CCDC30: variants seen among roughly 807,000 people sequenced by gnomAD.
CCDC30 encodes the protein coiled-coil domain containing 30, also known as coiled-coil domain-containing protein 30.
In CCDC30, 70 loss-of-function variants were observed where a neutral mutation model predicts 100.2. That is an observed-to-expected ratio of 0.70 (90% CI 0.58 to 0.85). CCDC30 has a LOEUF of 0.85. CCDC30 is among the 40% of genes least tolerant of loss of function. CCDC30 has a pLI of 0.00. For synonymous variants in CCDC30, 233 were observed against 269.5 expected, an observed-to-expected ratio of 0.86 and a Z score of 1.33; for missense variants, 652 against 771.2, an observed-to-expected ratio of 0.85 and a Z score of 1.83.
At chr1:42,519,913 C>A (rs1644611010) in intron 6 of CCDC30, among the ~76,000 whole-genome samples, 1 of 152,150 alleles carries the variant, frequency 6.6e-6, no homozygotes, top group Non-Finnish European at 1.5e-5. Flanking sequence ...TGCAATTATT[C>A]ATAGTACACT....
intron 9 of CCDC30, among the ~76,000 whole-genome samples, chr1:42,586,461 A>C (rs1646070949): frequency 1.3e-5 from 2 of 151,992 alleles, no homozygotes; most frequent in African/African-American, 4.8e-5. Context: ...CATACCCAAC[A>C]TGCCCAGCTA....
intron 1 of CCDC30, among the ~76,000 whole-genome samples, chr1:42,466,373 G>A (rs1185577603): frequency 6.6e-6 from 1 of 152,098 alleles, no homozygotes; most frequent in Non-Finnish European, 1.5e-5. Context: ...TCCTCTTCTC[G>A]TTTAAAATTC....
At chr1:42,463,325 A>C (rs1051832233) in exon 1 of CCDC30, 3 of 152,252 alleles carry the variant, frequency 2.0e-5, no homozygotes, top group Admixed American at 2.0e-4. Context: ...TGCAGCTAGC[A>C]GCTGAGCGCG....
At chr1:42,566,732 C>A (rs1645614079) in intron 7 of CCDC30, among the ~76,000 whole-genome samples, 1 of 152,152 alleles carries the variant, frequency 6.6e-6, no homozygotes, top group African/African-American at 2.4e-5. Flanking sequence ...TACTAAACTT[C>A]AGTGACCCGA....
intron 6 of CCDC30, among the ~76,000 whole-genome samples, chr1:42,505,748 C>T (rs572903532): frequency 5.3e-5 from 8 of 152,172 alleles, no homozygotes; most frequent in Non-Finnish European, 1.0e-4. Flanking sequence ...CTCTTAAGTT[C>T]CTAAGATAAG....
At chr1:42,578,142 TGA>T (rs1265050228) in intron 8 of CCDC30, among the ~76,000 whole-genome samples, 1 of 152,200 alleles carries the variant, frequency 6.6e-6, no homozygotes, top group Non-Finnish European at 1.5e-5. Flanking sequence ...TGTGCAAGTT[TGA>T]GAGTTAAATT....
At chr1:42,508,421 C>T (rs1272332855) in intron 6 of CCDC30, among the ~76,000 whole-genome samples, 2 of 152,194 alleles carry the variant, frequency 1.3e-5, no homozygotes, top group Admixed American at 6.5e-5. Flanking sequence ...CAACAGCATG[C>T]TTCTCTGATC....
chr1:42,502,542 T>A (rs1644335463), intron 6 of CCDC30, among the ~76,000 whole-genome samples: 1 of 152,182 alleles, frequency 6.6e-6, no homozygotes, highest in African/African-American at 2.4e-5. Flanking sequence ...AAATCACCCA[T>A]CTTCTGCGTC....
intron 6 of CCDC30, among the ~76,000 whole-genome samples, chr1:42,501,729 C>T (rs1459685944): frequency 6.6e-6 from 1 of 152,166 alleles, no homozygotes; most frequent in Admixed American, 6.5e-5. Context: ...ACTCCAGACC[C>T]TGTTTGTCTG....
intron 11 of CCDC30, among the ~76,000 whole-genome samples, chr1:42,618,915 A>G (rs1646778040): frequency 6.6e-6 from 1 of 152,164 alleles, no homozygotes; most frequent in Admixed American, 6.5e-5. Context: ...GTTGGCCAGA[A>G]CTTACTTACA....
chr1:42,517,546 T>A (rs1346861464), intron 6 of CCDC30, among the ~76,000 whole-genome samples: 1 of 152,210 alleles, frequency 6.6e-6, no homozygotes, highest in Non-Finnish European at 1.5e-5. Context: ...ATTTTACAGT[T>A]TTAGCTCTTG....
chr1:42,653,379 A>G (rs1390326578), exon 16 of CCDC30: 12 of 1,595,586 alleles, frequency 7.5e-6, no homozygotes, highest in Admixed American at 1.7e-5. Flanking sequence ...CTTTTAGGAA[A>G]CAACAATTAG....
In CCDC30 at chr1:42,596,503, G is replaced by C. The variant is rs983191492; in HGVS notation, c.1164+7020G>C. ...AACTCCAGCCAACTCTAGCCATCTCGTCCCACAAAAGGGAGGTGGGTGGAG... is the reference window on the plus strand; with the variant it reads ...AACTCCAGCCAACTCTAGCCATCTCCTCCCACAAAAGGGAGGTGGGTGGAG... On this transcript the variant is annotated intron_variant, in intron 10 of 16. Coordinates refer to ENST00000668663, the Ensembl canonical transcript of CCDC30. This position sits in a 1 kb window ranked among gnomAD's most constrained non-coding sequence, Gnocchi z 4.3. 1.3e-5 allele frequency among the ~76,000 whole-genome samples: 2 copies of C among 151,898 alleles called. No homozygotes were observed. The highest frequency in any genetic ancestry group is 2.9e-5 in the Non-Finnish European group (2 of 67,986).
chr1:42,549,053 T>C (rs1645198388), intron 6 of CCDC30, among the ~76,000 whole-genome samples: 1 of 152,188 alleles, frequency 6.6e-6, no homozygotes, highest in African/African-American at 2.4e-5. Flanking sequence ...CTTCAGGAGA[T>C]CTTCCAACTT....
chr1:42,516,602 C>T (rs552498209), intron 6 of CCDC30, among the ~76,000 whole-genome samples: 1 of 149,152 alleles, frequency 6.7e-6, no homozygotes, highest in South Asian at 2.1e-4. Context: ...AATCTGACTT[C>T]CTTGGTTTCT....
At chr1:42,513,187 G>A (rs1268417445) in intron 6 of CCDC30, among the ~76,000 whole-genome samples, 3 of 152,110 alleles carry the variant, frequency 2.0e-5, no homozygotes, top group Admixed American at 2.0e-4. Context: ...GTTAAGGAGG[G>A]GAAAGTTTAA....
chr1:42,457,196 T>C, the CCDC30 span: 2 of 1,611,796 alleles, frequency 1.2e-6, no homozygotes, highest in Middle Eastern at 3.3e-4. Context: ...AAGGAGCTGA[T>C]CCTATATCGT....
intron 4 of CCDC30, chr1:42,491,923 TC>T: frequency 3.0e-6 from 2 of 662,314 alleles, no homozygotes; most frequent in Non-Finnish European, 4.8e-6. Context: ...TCTGATAGCC[TC>T]AAGCGTCGTG....
chr1:42,623,442 C>A (rs974059290), intron 11 of CCDC30, among the ~76,000 whole-genome samples: 3 of 152,066 alleles, frequency 2.0e-5, no homozygotes, highest in African/African-American at 7.2e-5. Flanking sequence ...TAGTTTTATT[C>A]TTCTGCATAT....
Sources: allele counts gnomAD v4.1 joint callset (sites outside exome capture counted in the v4.1 genomes callset), GRCh38; gene constraint gnomAD v4.1.1; non-coding constraint Gnocchi (gnomAD v3.1); transcripts MANE v1.5; gene names NCBI Gene and HGNC (gene_info 2026-07-23, HGNC 2026-07-21).